Variants in BBOF1 observed in about 807,000 individuals in gnomAD.
BBOF1 encodes basal body orientation factor 1, also known as basal body-orientation factor 1.
Under a neutral mutation model 68.0 loss-of-function variants are expected in BBOF1, and 62 were observed. That is an observed-to-expected ratio of 0.91 (90% CI 0.74 to 1.13). BBOF1 has a LOEUF of 1.13. Ranked by LOEUF, BBOF1 falls within the 50% of genes most tolerant of loss-of-function variation. The pLI is 0.00. For synonymous variants in BBOF1, 208 were observed against 198.8 expected (o/e 1.05, Z -0.39); for missense variants, 534 against 600.1 (o/e 0.89, Z 1.15).
intron 9 of BBOF1, among the ~76,000 whole-genome samples, chr14:74,073,279 T>C (rs546278067): frequency 2.6e-5 from 4 of 152,038 alleles, no homozygotes; most frequent in African/African-American, 9.6e-5. Context: ...AATTTTTTTG[T>C]ACTTTTGATA....
intron 3 of BBOF1, among the ~76,000 whole-genome samples, chr14:74,033,732 C>G (rs1450153225): frequency 6.6e-6 from 1 of 151,988 alleles, no homozygotes; most frequent in Non-Finnish European, 1.5e-5. Flanking sequence ...AAAAAATCAG[C>G]CAGGCATGGT....
At chr14:74,081,970 G>A (rs1464739812) in intron 12 of BBOF1, among the ~76,000 whole-genome samples, 1 of 152,150 alleles carries the variant, frequency 6.6e-6, no homozygotes, top group Non-Finnish European at 1.5e-5. Flanking sequence ...ACTTTGGGAG[G>A]CTGAGGTGGG....
At chr14:74,034,702 C>A (rs2059655336) in intron 4 of BBOF1, among the ~76,000 whole-genome samples, 2 of 152,102 alleles carry the variant, frequency 1.3e-5, no homozygotes. Context: ...AGGGGAGTGC[C>A]AGGAACAAGT....
At chr14:74,058,448 G>GGA (rs371650252) in intron 11 of BBOF1, 3 of 110,022 alleles carry the variant, frequency 2.7e-5, no homozygotes, top group Admixed American at 1.8e-4. Flanking sequence ...TAGGAAAGCA[G>GGA]AAAAAAAAAA....
chr14:74,056,516 A>G (rs983561950), intron 9 of BBOF1, among the ~76,000 whole-genome samples: 4 of 151,894 alleles, frequency 2.6e-5, no homozygotes, highest in Non-Finnish European at 4.4e-5. Context: ...TTGTATTTTT[A>G]GTAAAGACAG....
At position 74,023,101 on chromosome 14, in the gene BBOF1, T is replaced by C. The variant is rs762132971; in HGVS notation, c.242T>C (p.Val81Ala). 9 of 1,596,324 alleles carry C rather than the reference T, an allele frequency of 5.6e-6. No individual in the cohort carries two copies. Among genetic ancestry groups the C allele is most frequent in the African/African-American group, 4.0e-5 (3 of 74,834 alleles). The change falls in exon 2 of 12, where the codon GTA becomes GCA. Residue 81 changes from valine (V) to alanine (A), a missense_variant. Val to Ala is a moderately conservative substitution (Grantham distance 64). Transcript: ENST00000394009. ...QCKMEKDIMS[V>A]LSYLKKQDQE... ...AAAATGGAGAAAGACATAATGTCAGTATTAAGTTACCTGAAGAAGCAGGAT... is the reference window on the plus strand; with the variant it reads ...AAAATGGAGAAAGACATAATGTCAGCATTAAGTTACCTGAAGAAGCAGGAT...
At chr14:74,033,979 G>T in intron 3 of BBOF1, 49 bp from the exon 4 acceptor site, 1 of 1,495,010 alleles carries the variant, frequency 6.7e-7, no homozygotes, top group Admixed American at 2.2e-5. Flanking sequence ...ATGACTTTGT[G>T]GGACTTCTGT....
chr14:74,072,480 A>G (rs2060563629), intron 9 of BBOF1: 5 of 1,613,578 alleles, frequency 3.1e-6, no homozygotes, highest in Admixed American at 3.3e-5. Flanking sequence ...CTTCTTGCCC[A>G]TCATGTCCCT....
Position 74,030,941 on chromosome 14 carries a change from G to T in BBOF1, c.351+1692G>T, listed in dbSNP as rs528137467. ...ATAAACATATATATATATATATATA[G>T]AGAGAGAGAGATTATATATAAGGAG... is the stretch of plus-strand genomic sequence containing the variant. On this transcript the variant is annotated intron_variant, in intron 3 of 11. Transcript: ENST00000394009. Among the ~76,000 whole-genome samples, 1,052 of 147,032 alleles carry T rather than the reference G, an allele frequency of 7.2e-3. 6 individuals carry two copies. The highest frequency in any genetic ancestry group is 0.011 in the Middle Eastern group (3 of 284).
intron 9 of BBOF1, among the ~76,000 whole-genome samples, chr14:74,077,846 C>T (rs1310017011): frequency 6.6e-6 from 1 of 152,234 alleles, no homozygotes; most frequent in Non-Finnish European, 1.5e-5. Flanking sequence ...CTGCATCTGT[C>T]TTGTTCACCT....
rs773289178 is a variant in BBOF1, at chr14:74,056,996, C to T, written c.1463+16C>T. The T allele has an allele frequency of 1.2e-6, 2 of 1,606,412 alleles. No individual in the cohort carries two copies. Among genetic ancestry groups the T allele is most frequent in the South Asian group, 1.1e-5 (1 of 90,742 alleles). ...AGGAATTTGGGTAAGAGCTCTCTTG[C>T]TTAAGTAATAAACATGAGCCCAACA... On this transcript the variant is annotated intron_variant, in intron 10 of 11. Coordinates refer to ENST00000394009, the MANE Select transcript of BBOF1 (RefSeq NM_025057.3).
intron 12 of BBOF1, among the ~76,000 whole-genome samples, chr14:74,082,393 GTTTTTTTTTTTTTT>G (rs869211328): frequency 1.3e-5 from 1 of 77,568 alleles, no homozygotes; most frequent in East Asian, 5.7e-4. Context: ...CAAAATCGAG[GTTTTTTTTTTTTTT>G]TTTTTTTTTT....
chr14:74,082,503 G>A (rs928451232), intron 12 of BBOF1, among the ~76,000 whole-genome samples: 6 of 146,578 alleles, frequency 4.1e-5, no homozygotes, highest in Admixed American at 7.1e-5. Context: ...GGGTTCAAGC[G>A]ATTCTCCTGC....
chr14:74,024,456 ATAT>A (rs1372638527), intron 2 of BBOF1, among the ~76,000 whole-genome samples: 1 of 152,050 alleles, frequency 6.6e-6, no homozygotes, highest in Non-Finnish European at 1.5e-5. Context: ...ACTCTGTCTC[ATAT>A]TATTATTACT....
Position 74,022,919 on chromosome 14 carries a change from G to A in BBOF1, c.60G>A (p.Lys20=). 1 of 1,599,068 alleles carries A rather than the reference G, an allele frequency of 6.3e-7. No homozygotes were observed. The highest frequency in any genetic ancestry group is 8.5e-7 in the Non-Finnish European group (1 of 1,170,002). Residue 20 remains lysine, a synonymous_variant, in exon 2 of 12, where the codon AAG becomes AAA. Coordinates refer to ENST00000394009, the MANE Select transcript of BBOF1 (RefSeq NM_025057.3). ...KGKSKGKDTK[K]LIKTDESVVD... is the part of the protein sequence containing the mutation. ...TCAATATCCTCTTCCCATGCAGGAA[G>A]TTAATAAAAACAGATGAATCTGTGG...
intron 3 of BBOF1, among the ~76,000 whole-genome samples, chr14:74,029,548 G>A (rs2140978245): frequency 6.6e-6 from 1 of 152,176 alleles, no homozygotes; most frequent in Non-Finnish European, 1.5e-5. Context: ...CAGGCATGGT[G>A]GTGCATGCTT....
intron 5 of BBOF1, 185 bp downstream of exon 5, chr14:74,040,830 G>C: frequency 1.9e-6 from 1 of 534,712 alleles, no homozygotes; most frequent in Non-Finnish European, 3.3e-6. Flanking sequence ...TCTAGTCCTT[G>C]TTTTCTCTCT....
intron 9 of BBOF1, among the ~76,000 whole-genome samples, chr14:74,074,208 C>T (rs1341922384): frequency 6.6e-6 from 1 of 151,888 alleles, no homozygotes; most frequent in African/African-American, 2.4e-5. Flanking sequence ...AACTTTTGAA[C>T]TCTGACAATC....
At chr14:74,067,596 A>C (rs774714053), downstream of BBOF1, 7 of 1,612,126 alleles carry the variant, frequency 4.3e-6, no homozygotes, top group South Asian at 7.7e-5. Context: ...AAAGCACATG[A>C]GTCTTCCTTG....
Sources: allele counts gnomAD v4.1 joint callset (sites outside exome capture counted in the v4.1 genomes callset), GRCh38; gene constraint gnomAD v4.1.1; transcripts MANE v1.5; gene names NCBI Gene and HGNC (gene_info 2026-07-23, HGNC 2026-07-21).